PLCXD3: variants seen among roughly 807,000 people sequenced by gnomAD.
The protein encoded by PLCXD3 is PI-PLC X domain-containing protein 3.
A neutral mutation model predicts 25.5 loss-of-function variants in PLCXD3; 19 were observed. That is an observed-to-expected ratio of 0.75 (90% CI 0.52 to 1.09). The LOEUF is 1.09. Among genes scored for constraint, PLCXD3 ranks in the 50% least tolerant of loss-of-function variants. The pLI, the probability that PLCXD3 is intolerant of heterozygous loss-of-function variation, is 0.00. For missense variants in PLCXD3, 411 were observed against 388.1 expected (o/e 1.06, Z -0.50); for synonymous variants, 174 against 137.6 (o/e 1.26, Z -1.85).
At chr5:41,503,511 G>T (rs553194875) in intron 1 of PLCXD3, among the ~76,000 whole-genome samples, 1 of 152,068 alleles carries the variant, frequency 6.6e-6, no homozygotes, top group Non-Finnish European at 1.5e-5. Flanking sequence ...CCTGACCTCC[G>T]GAGGTGACTA....
intron 1 of PLCXD3, among the ~76,000 whole-genome samples, chr5:41,470,562 T>C (rs936855115): frequency 6.6e-6 from 1 of 152,118 alleles, no homozygotes; most frequent in Non-Finnish European, 1.5e-5. Context: ...AAGGTTTTCC[T>C]ACAGAGAAGT....
rs562485184 is a variant in PLCXD3, at chr5:41,487,004, G to A, written c.103+23420C>T. Among the ~76,000 whole-genome samples the A allele has an allele frequency of 7.2e-5, 11 of 151,856 alleles. No individual in the cohort carries two copies. The South Asian group carries it at 2.1e-3, about 29-fold the overall frequency. ...ACCAACTTACAGATAATTAGAATGC[G>A]AATTTAAAAACCAAAGCAGTGTTAA... On this transcript the variant is annotated intron_variant, in intron 1 of 2. Coordinates refer to ENST00000377801, the MANE Select transcript of PLCXD3 (RefSeq NM_001005473.3).
intron 1 of PLCXD3, among the ~76,000 whole-genome samples, chr5:41,426,169 ATTG>A (rs1746951940): frequency 7.4e-6 from 1 of 134,940 alleles, no homozygotes; most frequent in Non-Finnish European, 1.8e-5. Flanking sequence ...GTGGTATCTC[ATTG>A]TTGTTTTAGT....
At position 41,448,174 on chromosome 5, in the gene PLCXD3, G is replaced by A. The variant is rs527459460; in HGVS notation, c.103+62250C>T. On this transcript the variant is annotated intron_variant, in intron 1 of 2. Coordinates refer to ENST00000377801, the MANE Select transcript of PLCXD3 (RefSeq NM_001005473.3). Reference sequence around the variant, plus strand: ...AAGGTGTTGTGAAATCAATGCATCTGACAAGATGCTCTTGACTGGGACCTG... The same window carrying A: ...AAGGTGTTGTGAAATCAATGCATCTAACAAGATGCTCTTGACTGGGACCTG... Among the ~76,000 whole-genome samples, 8 of 152,272 alleles carry A rather than the reference G, an allele frequency of 5.3e-5. No homozygotes were observed. The East Asian group carries it at 1.2e-3, about 22-fold the overall frequency.
At chr5:41,345,370 T>G (rs1442951888) in intron 2 of PLCXD3, among the ~76,000 whole-genome samples, 3 of 152,138 alleles carry the variant, frequency 2.0e-5, no homozygotes, top group Admixed American at 6.5e-5. Context: ...GTGGCAAAGA[T>G]GAAATTGGAA....
At chr5:41,346,601 A>G (rs1378637372) in intron 2 of PLCXD3, among the ~76,000 whole-genome samples, 3 of 152,118 alleles carry the variant, frequency 2.0e-5, no homozygotes, top group Non-Finnish European at 2.9e-5. Context: ...TTAATTTAAC[A>G]TATAAAATTT....
At chr5:41,439,474 GT>G (rs79020640) in intron 1 of PLCXD3, among the ~76,000 whole-genome samples, 6,993 of 149,526 alleles carry the variant, frequency 0.047, 219 homozygotes, top group Non-Finnish European at 0.068. Context: ...CTTTTTAAAT[GT>G]TTTTTTTTTC....
intron 2 of PLCXD3, among the ~76,000 whole-genome samples, chr5:41,342,783 A>T (rs577418715): frequency 6.6e-6 from 1 of 152,338 alleles, no homozygotes; most frequent in Non-Finnish European, 1.5e-5. Flanking sequence ...TCATTCCAAA[A>T]GTTAAAAACT....
At chr5:41,497,249 C>G (rs933736384) in intron 1 of PLCXD3, among the ~76,000 whole-genome samples, 6 of 151,680 alleles carry the variant, frequency 4.0e-5, no homozygotes, top group African/African-American at 1.5e-4. Flanking sequence ...AATTAAATAG[C>G]AAGAATAACA....
intron 1 of PLCXD3, among the ~76,000 whole-genome samples, chr5:41,452,630 C>T (rs1457833245): frequency 6.6e-5 from 10 of 152,062 alleles, no homozygotes; most frequent in African/African-American, 2.4e-4. Flanking sequence ...CTACAATACA[C>T]TCAAGTTGCC....
rs148217801 is a variant in PLCXD3, at chr5:41,443,158, G to A, written c.104-60624C>T. On this transcript the variant is annotated intron_variant, in intron 1 of 2. Coordinates refer to ENST00000377801, the MANE Select transcript of PLCXD3 (RefSeq NM_001005473.3). ...CAATAGTCATGCACTACACAACAAC[G>A]ATTCCATCAACAACAGACTGCACAT... is the stretch of plus-strand genomic sequence containing the variant. 6.0e-5 allele frequency among the ~76,000 whole-genome samples: 9 copies of A among 150,748 alleles called. 1 individual carries two copies. The highest frequency in any genetic ancestry group is 1.9e-4 in the African/African-American group (8 of 41,172).
chr5:41,421,000 G>A (rs1746807267), intron 1 of PLCXD3, among the ~76,000 whole-genome samples: 1 of 152,080 alleles, frequency 6.6e-6, no homozygotes, highest in South Asian at 2.1e-4. Flanking sequence ...TTACCCACAA[G>A]TAGATCCCTG....
intron 1 of PLCXD3, among the ~76,000 whole-genome samples, chr5:41,402,810 C>T: frequency 6.6e-6 from 1 of 151,372 alleles, no homozygotes; most frequent in East Asian, 1.9e-4. Flanking sequence ...TTCTTTTTAT[C>T]ATTAGTAGTA....
rs139227366 is a variant in PLCXD3 at position 41,432,956 on chromosome 5, C to A, written c.104-50422G>T. ...GTCTTGTCTGCTGTTTTCTTTTGGC[C>A]CAGAACCAGTTTCTTATGTCACGAA... On this transcript the variant is annotated intron_variant, in intron 1 of 2. Transcript: ENST00000377801. Among the ~76,000 whole-genome samples the A allele has an allele frequency of 6.6e-5, 10 of 152,226 alleles. 1 individual carries two copies. The highest frequency in any genetic ancestry group is 2.4e-4 in the African/African-American group (10 of 41,530).
At chr5:41,487,741 G>A (rs1425084198) in intron 1 of PLCXD3, among the ~76,000 whole-genome samples, 1 of 152,078 alleles carries the variant, frequency 6.6e-6, no homozygotes, top group Non-Finnish European at 1.5e-5. Context: ...ATGATCTGGA[G>A]GAAGATGCCA....
chr5:41,435,562 G>A (rs986193470), intron 1 of PLCXD3, among the ~76,000 whole-genome samples: 9 of 152,154 alleles, frequency 5.9e-5, no homozygotes, highest in African/African-American at 1.9e-4. Context: ...CTCTTGCCCT[G>A]AGCAATCTTG....
At chr5:41,490,035 A>G (rs1748619807) in intron 1 of PLCXD3, among the ~76,000 whole-genome samples, 1 of 151,886 alleles carries the variant, frequency 6.6e-6, no homozygotes, top group Admixed American at 6.6e-5. Flanking sequence ...GAATGCTTCC[A>G]GTTTTTGCCC....
intron 2 of PLCXD3, among the ~76,000 whole-genome samples, chr5:41,379,420 A>G (rs1745388644): frequency 6.6e-6 from 1 of 152,120 alleles, no homozygotes; most frequent in South Asian, 2.1e-4. Flanking sequence ...AACTAGCTGA[A>G]TTTAGGCTTA....
chr5:41,330,510 C>T (rs1213226029), intron 2 of PLCXD3, among the ~76,000 whole-genome samples: 2 of 152,080 alleles, frequency 1.3e-5, no homozygotes, highest in Admixed American at 6.6e-5. Context: ...CGAATTCTAC[C>T]AGAGGTACAA....
Sources: allele counts gnomAD v4.1 joint callset (sites outside exome capture counted in the v4.1 genomes callset), GRCh38; gene constraint gnomAD v4.1.1; transcripts MANE v1.5; gene names NCBI Gene and HGNC (gene_info 2026-07-23, HGNC 2026-07-21).